The following ZNF717 variants were observed in gnomAD, a reference collection of about 807,000 sequenced individuals.
ZNF717 encodes the protein krueppel-like factor X17.
ZNF717 carries 9 observed loss-of-function variants against 13.8 expected under a neutral mutation model. The ratio of observed to expected loss-of-function variants is 0.65; its 90% CI spans 0.39 to 1.14. ZNF717 has a LOEUF of 1.14. ZNF717 is among the 50% of genes most tolerant of loss of function. The probability of loss-of-function intolerance (pLI) is 0.01; values close to 1 mark genes in which losing one functional copy is unlikely to be tolerated. For synonymous variants in ZNF717, 327 were observed against 364.1 expected (o/e 0.90, Z 1.16); for missense variants, 1,040 against 1,080.7 (o/e 0.96, Z 0.53).
intron 6 of ZNF717, among the ~76,000 whole-genome samples, chr3:75,704,575 C>T (rs1413381772): frequency 2.6e-5 from 4 of 152,384 alleles, no homozygotes; most frequent in African/African-American, 7.2e-5. Flanking sequence ...AGATTAGAGG[C>T]CAAGCTCACA....
In ZNF717 at chr3:75,742,339, A is replaced by AAAG. The variant is rs751643617; in HGVS notation, c.58-604_58-603insCTT. ...TACCTCTCAAAAAAAAAAAAAAAAAAGAATAAAATTCTACTCCTCAAAGGA... is the reference window on the plus strand; with the variant it reads ...TACCTCTCAAAAAAAAAAAAAAAAAAAAGGAATAAAATTCTACTCCTCAAAGGA... On this transcript the variant is annotated intron_variant, in intron 2 of 4. Coordinates refer to ENST00000652011, the MANE Select transcript of ZNF717 (RefSeq NM_001290208.3). Among the ~76,000 whole-genome samples, 85 of 137,352 alleles carry AAAG rather than the reference A, an allele frequency of 6.2e-4. 6 individuals carry two copies. The highest frequency in any genetic ancestry group is 1.8e-3 in the African/African-American group (66 of 36,224). The allele number at this position is 137,352 out of a possible 152,430, so 90.1% of individuals were successfully genotyped here.
At chr3:75,745,990 A>C (rs1462971680) in intron 2 of ZNF717, among the ~76,000 whole-genome samples, 1 of 152,120 alleles carries the variant, frequency 6.6e-6, no homozygotes, top group Non-Finnish European at 1.5e-5. Context: ...CGTAATTTAC[A>C]TTAGGTATAT....
chr3:75,772,206 C>G (rs75401460), intron 2 of ZNF717, among the ~76,000 whole-genome samples: 191 of 147,732 alleles, frequency 1.3e-3, no homozygotes, highest in African/African-American at 4.7e-3. Context: ...GGAGCTACCC[C>G]CTGCAGGTCT....
In ZNF717 at chr3:75,737,851, T is replaced by TA. The variant is rs1939625805; in HGVS notation, c.1771dup (p.Tyr591LeufsTer2). On this transcript the variant is annotated frameshift_variant, in exon 5 of 5. Transcript: ENST00000652011. LOFTEE classifies it low-confidence loss of function (END_TRUNC). ...GGTTTTCTCACATTCATTACATTCA[T>TA]AGGGTTTTTTGCCAGCATGAGTTCT... 1 of 1,550,994 alleles carries TA rather than the reference T, an allele frequency of 6.4e-7. No homozygotes were observed. Among genetic ancestry groups the TA allele is most frequent in the African/African-American group, 1.4e-5 (1 of 72,778 alleles).
chr3:75,725,920 G>A (rs1479826066), downstream of ZNF717, among the ~76,000 whole-genome samples: 10 of 152,286 alleles, frequency 6.6e-5, no homozygotes, highest in Admixed American at 3.3e-4. Context: ...TCCCTAAGTC[G>A]TCCTTAAGAG....
chr3:75,765,976 C>T (rs1474155870), intron 2 of ZNF717, among the ~76,000 whole-genome samples: 5 of 152,000 alleles, frequency 3.3e-5, no homozygotes, highest in African/African-American at 1.2e-4. Context: ...AGGTATGGTG[C>T]CATGCACCTG....
intron 2 of ZNF717, among the ~76,000 whole-genome samples, chr3:75,750,432 T>A (rs145186829): frequency 0.022 from 3,138 of 144,696 alleles, 150 homozygotes; most frequent in African/African-American, 0.076. Flanking sequence ...TCCAGAACAC[T>A]CCTACTGTGG....
intron 1 of ZNF717, among the ~76,000 whole-genome samples, chr3:75,784,393 T>C (rs934329180): frequency 6.6e-6 from 1 of 152,200 alleles, no homozygotes; most frequent in African/African-American, 2.4e-5. Flanking sequence ...TTTAACAAAA[T>C]TACGTAGGGG....
intron 2 of ZNF717, among the ~76,000 whole-genome samples, chr3:75,748,231 C>A (rs1400907964): frequency 6.6e-6 from 1 of 152,070 alleles, no homozygotes; most frequent in Non-Finnish European, 1.5e-5. Flanking sequence ...CAGAACCAGA[C>A]GGAATCACAG....
chr3:75,768,529 G>A (rs1183477222), intron 2 of ZNF717, among the ~76,000 whole-genome samples: 2 of 150,102 alleles, frequency 1.3e-5, no homozygotes, highest in African/African-American at 4.9e-5. Context: ...AGTCCTCACT[G>A]CGGCTGAGTG....
At chr3:75,754,194 A>G (rs1276781747) in intron 2 of ZNF717, among the ~76,000 whole-genome samples, 1 of 152,240 alleles carries the variant, frequency 6.6e-6, no homozygotes, top group South Asian at 2.1e-4. Flanking sequence ...TACTCAGTCT[A>G]AAGTATTTTG....
chr3:75,724,344 A>C (rs1938233506), intron 4 of ZNF717, among the ~76,000 whole-genome samples: 1 of 152,062 alleles, frequency 6.6e-6, no homozygotes, highest in Non-Finnish European at 1.5e-5. Context: ...GCACACAGGG[A>C]GGAAAACCCA....
chr3:75,711,643 C>CA (rs945626645), intron 5 of ZNF717, among the ~76,000 whole-genome samples: 4 of 151,988 alleles, frequency 2.6e-5, no homozygotes, highest in African/African-American at 9.7e-5. Context: ...AAAAAAAATA[C>CA]AAAAATTATC....
chr3:75,747,528 T>C (rs1224317746), intron 2 of ZNF717, among the ~76,000 whole-genome samples: 2 of 152,308 alleles, frequency 1.3e-5, no homozygotes, highest in East Asian at 1.9e-4. Context: ...TGTCCTCTTT[T>C]ATTTTGTTGA....
At chr3:75,753,196 C>T (rs145670631) in intron 2 of ZNF717, among the ~76,000 whole-genome samples, 4 of 81,032 alleles carry the variant, frequency 4.9e-5, no homozygotes, top group Admixed American at 1.1e-4. Flanking sequence ...AACACTGCTG[C>T]GAGTGTCTGA....
intron 2 of ZNF717, among the ~76,000 whole-genome samples, chr3:75,763,737 G>C (rs995729091): frequency 6.6e-6 from 1 of 152,220 alleles, no homozygotes; most frequent in Non-Finnish European, 1.5e-5. Flanking sequence ...AAAATTACTA[G>C]AAACACCTAG....
At chr3:75,711,925 A>C (rs145184429) in intron 5 of ZNF717, among the ~76,000 whole-genome samples, 45,466 of 150,716 alleles carry the variant, frequency 0.3, 6,044 homozygotes, top group Non-Finnish European at 0.39. Flanking sequence ...ATTGACAATG[A>C]AACTTGGTTA....
downstream of ZNF717, among the ~76,000 whole-genome samples, chr3:75,732,446 G>A (rs1388043487): frequency 6.6e-6 from 1 of 152,232 alleles, no homozygotes; most frequent in African/African-American, 2.4e-5. Context: ...TGCAAAATGT[G>A]CCTGTTGAAA....
intron 2 of ZNF717, among the ~76,000 whole-genome samples, chr3:75,762,005 G>A (rs1179273475): frequency 6.6e-6 from 1 of 151,210 alleles, no homozygotes; most frequent in African/African-American, 2.4e-5. Context: ...AGTCAGCTGA[G>A]ATTGTGCCAC....
Sources: gnomAD v4.1 joint callset for allele counts (sites outside exome capture counted in the v4.1 genomes callset) on GRCh38, gnomAD v4.1.1 for gene constraint, MANE v1.5 for transcripts, NCBI Gene and HGNC (gene_info 2026-07-23, HGNC 2026-07-21) for gene names.